The following BCHE variants were observed in gnomAD, a reference collection of about 807,000 sequenced individuals.
BCHE encodes cholinesterase.
In BCHE, 48 loss-of-function variants were observed where a neutral mutation model predicts 51.3. The ratio of observed to expected loss-of-function variants is 0.94; its 90% CI spans 0.74 to 1.19. BCHE has a LOEUF of 1.19. Ranked by LOEUF, BCHE falls within the 50% of genes most tolerant of loss-of-function variation. The probability of loss-of-function intolerance (pLI) is 0.00; values close to 1 mark genes in which losing one functional copy is unlikely to be tolerated. For synonymous variants in BCHE, 251 were observed against 238.0 expected (o/e 1.05, Z -0.50); for missense variants, 847 against 708.2 (o/e 1.20, Z -2.23).
intron 1 of BCHE, among the ~76,000 whole-genome samples, chr3:165,834,041 G>A (rs1397942085): frequency 2.0e-5 from 3 of 151,832 alleles, no homozygotes; most frequent in Non-Finnish European, 2.9e-5. Context: ...ATAAATTTTG[G>A]TCTCTGATAG....
At position 165,786,367 on chromosome 3, in the gene BCHE, A is replaced by G; in HGVS notation, c.1518-56T>C. On this transcript the variant is annotated intron_variant, in intron 2 of 3. Transcript: ENST00000264381. ...AATTGAAATCATTGTTAGATTAAAA[A>G]GAATATTGTTTTCTAACACTGTTCA... The G allele has an allele frequency of 6.8e-6, 10 of 1,472,132 alleles. No homozygotes were observed. The South Asian group carries it at 1.1e-4, about 16-fold the overall frequency. 91.2% of individuals were successfully genotyped at this position (1,472,132 alleles called of 1,614,324 possible).
intron 2 of BCHE, among the ~76,000 whole-genome samples, chr3:165,815,802 C>A (rs1374391081): frequency 2.6e-5 from 4 of 152,048 alleles, no homozygotes; most frequent in Admixed American, 2.0e-4. Context: ...CATAATACTT[C>A]TATGAATGTT....
intron 2 of BCHE, among the ~76,000 whole-genome samples, chr3:165,822,474 T>C (rs930929419): frequency 6.6e-6 from 1 of 152,072 alleles, no homozygotes; most frequent in African/African-American, 2.4e-5. Flanking sequence ...GAGAGAGTTA[T>C]ATTTATATTC....
chr3:165,774,901 A>G (rs1006834739), intron 3 of BCHE, among the ~76,000 whole-genome samples: 3 of 152,126 alleles, frequency 2.0e-5, no homozygotes, highest in Non-Finnish European at 4.4e-5. Context: ...ACAGATTGTG[A>G]ACAGTAAAAA....
At chr3:165,781,056 A>G (rs2108198222) in intron 3 of BCHE, among the ~76,000 whole-genome samples, 1 of 152,256 alleles carries the variant, frequency 6.6e-6, no homozygotes. Context: ...AGCCTGACCA[A>G]CATGGAGAAA....
intron 2 of BCHE, among the ~76,000 whole-genome samples, chr3:165,826,452 A>G (rs573968831): frequency 6.6e-6 from 1 of 152,268 alleles, no homozygotes; most frequent in East Asian, 1.9e-4. Flanking sequence ...ACTAATCTAT[A>G]ATAAAAATAG....
At chr3:165,823,836 C>G (rs1280884566) in intron 2 of BCHE, among the ~76,000 whole-genome samples, 1 of 151,954 alleles carries the variant, frequency 6.6e-6, no homozygotes, top group African/African-American at 2.4e-5. Context: ...TAGTCCACTA[C>G]AGCCATGAAT....
chr3:165,833,901 T>C (rs1240656539), intron 1 of BCHE, among the ~76,000 whole-genome samples: 1 of 152,110 alleles, frequency 6.6e-6, no homozygotes, highest in African/African-American at 2.4e-5. Flanking sequence ...GCATCATCCC[T>C]GGTTGTACCC....
chr3:165,794,050 T>TAA (rs1027099408), intron 2 of BCHE, among the ~76,000 whole-genome samples: 254 of 135,572 alleles, frequency 1.9e-3, no homozygotes, highest in African/African-American at 6.6e-3. Context: ...CCATCTCAAA[T>TAA]AAAAAAAAAA....
intron 2 of BCHE, among the ~76,000 whole-genome samples, chr3:165,794,302 A>C (rs1713285751): frequency 6.6e-6 from 1 of 152,168 alleles, no homozygotes; most frequent in Admixed American, 6.5e-5. Context: ...TTCTAAGATG[A>C]ATCTTTAAAG....
rs555644816 is a variant in BCHE at position 165,808,074 on chromosome 3, C to CA, written c.1517+21442dup. On this transcript the variant is annotated intron_variant, in intron 2 of 3. Coordinates refer to ENST00000264381, the MANE Select transcript of BCHE (RefSeq NM_000055.4). ...TCTCAGCTCACTGCAAACTCCGCCT[C>CA]AAGAGTTCACGCCATTCTCCTGTCT... Among the ~76,000 whole-genome samples, 516 of 152,134 alleles carry CA rather than the reference C, an allele frequency of 3.4e-3. 7 individuals carry two copies. The highest frequency in any genetic ancestry group is 0.012 in the African/African-American group (480 of 41,508).
intron 1 of BCHE, among the ~76,000 whole-genome samples, chr3:165,832,349 G>A (rs778384245): frequency 6.6e-6 from 1 of 152,142 alleles, no homozygotes; most frequent in Non-Finnish European, 1.5e-5. Context: ...CTAGAGTGCA[G>A]TGGTGTGATC....
At chr3:165,815,533 GAGCTAGCAAATGTTAGCAAT>G (rs1292095255) in intron 2 of BCHE, among the ~76,000 whole-genome samples, 1 of 152,130 alleles carries the variant, frequency 6.6e-6, no homozygotes, top group African/African-American at 2.4e-5. Flanking sequence ...CCTGAGCAGG[GAGCTAGCAAATGTTAGCAAT>G]AGCTAGCAAA....
intron 2 of BCHE, among the ~76,000 whole-genome samples, chr3:165,807,861 GC>G (rs1177293023): frequency 9.2e-5 from 14 of 152,060 alleles, no homozygotes; most frequent in Non-Finnish European, 2.9e-5. Flanking sequence ...ACTACACCTG[GC>G]TGATGTATTT....
At chr3:165,781,669 G>A (rs1286296236) in intron 3 of BCHE, among the ~76,000 whole-genome samples, 1 of 151,960 alleles carries the variant, frequency 6.6e-6, no homozygotes, top group African/African-American at 2.4e-5. Flanking sequence ...ATGACGTGTT[G>A]ATAGGCTCAA....
intron 2 of BCHE, among the ~76,000 whole-genome samples, chr3:165,827,621 T>A (rs1411375941): frequency 6.6e-6 from 1 of 152,002 alleles, no homozygotes; most frequent in Non-Finnish European, 1.5e-5. Context: ...AAAAATGAAG[T>A]CCTTTGAAAA....
chr3:165,833,862 G>A (rs1443420551), intron 1 of BCHE, among the ~76,000 whole-genome samples: 2 of 152,030 alleles, frequency 1.3e-5, no homozygotes, highest in Non-Finnish European at 2.9e-5. Context: ...TGGGCGGTTC[G>A]TTCTAAGCTG....
intron 2 of BCHE, chr3:165,828,071 T>G: frequency 2.2e-6 from 1 of 455,966 alleles, no homozygotes; most frequent in Non-Finnish European, 4.4e-6. Context: ...GAAGAACAGC[T>G]TACAATGAAA....
intron 1 of BCHE, among the ~76,000 whole-genome samples, chr3:165,833,732 T>G (rs1336298908): frequency 6.6e-6 from 1 of 152,110 alleles, no homozygotes; most frequent in African/African-American, 2.4e-5. Context: ...GCTAATCCTT[T>G]TCTCTTTAAT....
Sources: allele counts gnomAD v4.1 joint callset (sites outside exome capture counted in the v4.1 genomes callset), GRCh38; gene constraint gnomAD v4.1.1; transcripts MANE v1.5; gene names NCBI Gene and HGNC (gene_info 2026-07-23, HGNC 2026-07-21).